Variants in ACOT2 observed in about 807,000 individuals in gnomAD.
ACOT2 encodes acyl-CoA thioesterase 2.
Under a neutral mutation model 20.1 loss-of-function variants are expected in ACOT2, and 15 were observed. The ratio of observed to expected loss-of-function variants is 0.75; its 90% CI spans 0.50 to 1.15. The LOEUF is 1.15. Among genes scored for constraint, ACOT2 ranks in the 50% most tolerant of loss-of-function variants. The probability of loss-of-function intolerance (pLI) is 0.00; values close to 1 mark genes in which losing one functional copy is unlikely to be tolerated. For synonymous variants in ACOT2, 252 were observed against 268.4 expected, an observed-to-expected ratio of 0.94 and a Z score of 0.60; for missense variants, 479 against 615.3, an observed-to-expected ratio of 0.78 and a Z score of 2.34.
chr14:73,573,336 C>T lies in ACOT2; in HGVS notation c.644-52C>T, dbSNP rs368667265. 2.5e-6 allele frequency: 4 copies of T among 1,610,976 alleles called. 1 individual carries two copies. Among genetic ancestry groups the T allele is most frequent in the Non-Finnish European group, 3.4e-6 (4 of 1,177,212 alleles). ...AAGTATATGTTTAACTTAAACCATCCAACTGTTTCAGGAATAGCTTAGTTT... is the reference window on the plus strand; with the variant it reads ...AAGTATATGTTTAACTTAAACCATCTAACTGTTTCAGGAATAGCTTAGTTT... On this transcript the variant is annotated intron_variant, in intron 1 of 2. Transcript: ENST00000238651.
intron 2 of ACOT2, 57 bp downstream of exon 2, chr14:73,573,647 T>G: frequency 6.2e-7 from 1 of 1,602,432 alleles, no homozygotes; most frequent in East Asian, 2.2e-5. Context: ...TCTTAAATGG[T>G]CTGGGTTTTC....
chr14:73,569,940 C>G, intron 1 of ACOT2, 57 bp downstream of exon 1: 2 of 1,540,112 alleles, frequency 1.3e-6, no homozygotes, highest in Admixed American at 3.8e-5. Flanking sequence ...TGTGTGTCTC[C>G]CCCGCCCCAC....
At position 73,575,602 on chromosome 14, in the gene ACOT2, GT is replaced by G. The variant is rs1889865748; in HGVS notation, c.*94del. The stretch of plus-strand genomic sequence containing the variant: ...TGTGTGTATGTGTATTCATTCTTTT[GT>G]TTTTAATAACTAAAGTTTTTTCCCC... On this transcript the variant is annotated 3_prime_UTR_variant, in exon 3 of 3. Transcript: ENST00000238651. The G allele has an allele frequency of 6.4e-7, 1 of 1,569,318 alleles. No homozygotes were observed. Among genetic ancestry groups the G allele is most frequent in the Non-Finnish European group, 8.6e-7 (1 of 1,163,302 alleles).
upstream of ACOT2, among the ~76,000 whole-genome samples, chr14:73,568,529 T>C (rs776528942): frequency 2.0e-5 from 3 of 151,812 alleles, no homozygotes; most frequent in Admixed American, 2.0e-4. Flanking sequence ...ACTGCCGCTG[T>C]ACTCCAGTCT....
upstream of ACOT2, chr14:73,569,131 G>A: frequency 7.8e-7 from 1 of 1,276,464 alleles, no homozygotes; most frequent in Non-Finnish European, 1.1e-6. Flanking sequence ...GCAAGTTCCA[G>A]TGTGTCTATA....
upstream of ACOT2, chr14:73,569,209 G>T: frequency 6.2e-7 from 1 of 1,609,500 alleles, no homozygotes; most frequent in Non-Finnish European, 8.5e-7. Flanking sequence ...CTGCCCTAGT[G>T]GGCGCTTAGC....
chr14:73,574,817 A>AG (rs1889846312), intron 2 of ACOT2, 91 bp from the exon 3 acceptor site: 1 of 1,596,080 alleles, frequency 6.3e-7, no homozygotes, highest in African/African-American at 1.3e-5. Flanking sequence ...ATTCAGACTC[A>AG]GGTTCAACTA....
intron 1 of ACOT2, 105 bp from the exon 2 acceptor site, chr14:73,573,283 A>T: frequency 6.6e-7 from 1 of 1,507,038 alleles, no homozygotes; most frequent in Non-Finnish European, 9.2e-7. Flanking sequence ...GATACCTAGG[A>T]GTGGGATTGC....
upstream of ACOT2, chr14:73,568,178 G>A (rs906204632): frequency 5.3e-5 from 8 of 152,052 alleles, no homozygotes; most frequent in African/African-American, 1.9e-4. Context: ...TGGGACATGA[G>A]AGATTTGGAA....
chr14:73,571,882 T>C (rs1203461506), intron 1 of ACOT2, among the ~76,000 whole-genome samples: 1 of 152,044 alleles, frequency 6.6e-6, no homozygotes. Context: ...CTGGATACTT[T>C]TATATTACAT....
intron 1 of ACOT2, among the ~76,000 whole-genome samples, chr14:73,572,648 T>C (rs1320036945): frequency 2.3e-4 from 12 of 53,160 alleles, no homozygotes; most frequent in African/African-American, 2.4e-4. Flanking sequence ...CATTTTTTTT[T>C]TTTTTTTTTT....
chr14:73,574,760 G>C, intron 2 of ACOT2, 148 bp from the exon 3 acceptor site: 1 of 1,230,178 alleles, frequency 8.1e-7, no homozygotes, highest in African/African-American at 1.5e-5. Context: ...AGATAGAGGG[G>C]AGGTAAATTC....
At chr14:73,574,227 A>G (rs1366311650) in intron 2 of ACOT2, 2 of 156,836 alleles carry the variant, frequency 1.3e-5, no homozygotes, top group African/African-American at 2.4e-5. Flanking sequence ...TAGTAAAGAG[A>G]TTCGTAGTTG....
At chr14:73,569,098 G>A, upstream of ACOT2, 1 of 985,788 alleles carries the variant, frequency 1.0e-6, no homozygotes, top group African/African-American at 1.6e-5. Context: ...ATAAAGTGGA[G>A]GTTTCAACAC....
chr14:73,567,658 G>A (rs188496125), upstream of ACOT2: 40 of 152,156 alleles, frequency 2.6e-4, no homozygotes, highest in African/African-American at 9.4e-4. Context: ...TGGAAGCTTT[G>A]TTCTTTTGTA....
chr14:73,570,520 G>C (rs566694104), intron 1 of ACOT2, among the ~76,000 whole-genome samples: 1 of 152,082 alleles, frequency 6.6e-6, no homozygotes, highest in African/African-American at 2.4e-5. Context: ...AGTGAGCTGA[G>C]ATCGCGCCAC....
At chr14:73,573,668 G>C in intron 2 of ACOT2, 78 bp downstream of exon 2, 1 of 1,534,494 alleles carries the variant, frequency 6.5e-7, no homozygotes, top group Non-Finnish European at 9.0e-7. Flanking sequence ...ACAGAAGTTA[G>C]CTCATTCATG....
intron 1 of ACOT2, among the ~76,000 whole-genome samples, chr14:73,572,773 G>A (rs1019405920): frequency 1.5e-4 from 23 of 149,222 alleles, no homozygotes; most frequent in Admixed American, 2.7e-4. Context: ...AGCCTCCCGA[G>A]TAGCTGGGAT....
Position 73,575,260 on chromosome 14 carries a change from C to A in ACOT2, c.1199C>A (p.Ala400Asp). The A allele has an allele frequency of 2.3e-6, 2 of 859,136 alleles. No individual in the cohort carries two copies. The highest frequency in any genetic ancestry group is 2.9e-5 in the East Asian group (1 of 35,002). 53.2% of individuals were successfully genotyped at this position (859,136 alleles called of 1,614,324 possible). ...AAGAGTGAGTTCTATGCTAATGAGG[C>A]CTGTAAACGCTTGCAGGCCCATGGG... ...NWKSEFYANE[A>D]CKRLQAHGRR... is the part of the protein sequence containing the mutation. Residue 400 changes from alanine to aspartate, a missense_variant, in exon 3 of 3, where the codon GCC becomes GAC. Around this residue, in one of 4 missense-constraint regions of ACOT2, gnomAD observed 40 missense variants for 93.4 expected, o/e 0.43. Transcript: ENST00000238651.
Sources: allele counts gnomAD v4.1 joint callset (sites outside exome capture counted in the v4.1 genomes callset), GRCh38; gene constraint gnomAD v4.1.1; regional missense constraint gnomAD v4.1.1; transcripts MANE v1.5; gene names NCBI Gene and HGNC (gene_info 2026-07-23, HGNC 2026-07-21).